Variants in SLC44A1 observed in about 807,000 individuals in gnomAD.
The protein encoded by SLC44A1 is solute carrier family 44 member 1, also known as choline transporter-like protein 1.
Under a neutral mutation model 79.3 loss-of-function variants are expected in SLC44A1, and 26 were observed. That is an observed-to-expected ratio of 0.33 (90% confidence interval 0.24 to 0.46). The LOEUF (loss-of-function observed/expected upper bound fraction) is 0.46. Among genes scored for constraint, SLC44A1 ranks in the 20% least tolerant of loss-of-function variants. The pLI is 1.00. For synonymous variants in SLC44A1, 263 were observed against 286.2 expected (o/e 0.92, Z 0.82); for missense variants, 688 against 798.1 (o/e 0.86, Z 1.66).
chr9:105,299,855 T>C, intron 2 of SLC44A1: 1 of 986,624 alleles, frequency 1.0e-6, no homozygotes, highest in African/African-American at 1.7e-5. Context: ...CTGTAATGAG[T>C]GGCATCTTTC....
chr9:105,419,914 C>CAA (rs59244219), intron 15 of SLC44A1, among the ~76,000 whole-genome samples: 1,771 of 52,864 alleles, frequency 0.034, 60 homozygotes, highest in African/African-American at 0.1. Flanking sequence ...AACTCTGTCT[C>CAA]AAAAAAAAAA....
intron 3 of SLC44A1, among the ~76,000 whole-genome samples, chr9:105,335,119 T>C (rs1399098218): frequency 2.0e-5 from 3 of 152,122 alleles, no homozygotes; most frequent in African/African-American, 7.2e-5. Flanking sequence ...TATATAATTC[T>C]GTTCATATGA....
At chr9:105,414,605 A>G (rs181699712) in intron 15 of SLC44A1, among the ~76,000 whole-genome samples, 1 of 152,222 alleles carries the variant, frequency 6.6e-6, no homozygotes, top group Non-Finnish European at 1.5e-5. Context: ...TAATTTTTAG[A>G]TAGTAATAGA....
intron 1 of SLC44A1, among the ~76,000 whole-genome samples, chr9:105,250,281 C>T (rs1362904332): frequency 2.6e-5 from 4 of 152,138 alleles, no homozygotes; most frequent in East Asian, 3.9e-4. Context: ...TCTACAGTTG[C>T]CATCTGGAGA....
intron 3 of SLC44A1, among the ~76,000 whole-genome samples, chr9:105,311,391 T>A (rs1831176026): frequency 1.3e-5 from 2 of 152,150 alleles, no homozygotes; most frequent in South Asian, 2.1e-4. Flanking sequence ...CTCCGTCAGG[T>A]CTTCTGCTTA....
chr9:105,260,516 T>A (rs1403995298), intron 1 of SLC44A1, among the ~76,000 whole-genome samples: 1 of 152,216 alleles, frequency 6.6e-6, no homozygotes, highest in East Asian at 1.9e-4. Flanking sequence ...GCTCTGAAAC[T>A]GACTTTAAGT....
intron 15 of SLC44A1, among the ~76,000 whole-genome samples, chr9:105,405,487 G>A (rs1246214686): frequency 2.0e-5 from 3 of 152,070 alleles, no homozygotes; most frequent in Admixed American, 6.5e-5. Flanking sequence ...CTAGGCAAAT[G>A]CTAAATAAAG....
chr9:105,419,598 A>T (rs1346848416), intron 15 of SLC44A1, among the ~76,000 whole-genome samples: 1 of 152,182 alleles, frequency 6.6e-6, no homozygotes, highest in Admixed American at 6.5e-5. Flanking sequence ...CCTTCTACCT[A>T]GTTCAGAAGT....
Position 105,381,143 on chromosome 9 carries a change from T to A in SLC44A1, c.1633-1980T>A, listed in dbSNP as rs566062693. Among the ~76,000 whole-genome samples the A allele has an allele frequency of 1.4e-4, 21 of 152,264 alleles. No homozygotes were observed. The East Asian group carries it at 4.1e-3, about 29-fold the overall frequency. ...AGGGGTTTAACTTTTAATGGCATGG[T>A]GAGAGCATGAAGAACCTCAGCCCTC... On this transcript the variant is annotated intron_variant, in intron 13 of 15. Transcript: ENST00000374720.
At chr9:105,424,060 A>C (rs2131518971) in intron 15 of SLC44A1, among the ~76,000 whole-genome samples, 1 of 152,348 alleles carries the variant, frequency 6.6e-6, no homozygotes, top group Non-Finnish European at 1.5e-5. Context: ...ACATATGTAC[A>C]GTATTGTACT....
intron 3 of SLC44A1, among the ~76,000 whole-genome samples, chr9:105,334,173 T>C (rs1274948674): frequency 6.6e-6 from 1 of 152,056 alleles, no homozygotes; most frequent in Non-Finnish European, 1.5e-5. Flanking sequence ...TGGCTTTTTT[T>C]CTTTCCTTCT....
intron 12 of SLC44A1, among the ~76,000 whole-genome samples, chr9:105,368,577 T>C (rs1288902530): frequency 6.6e-6 from 1 of 152,166 alleles, no homozygotes; most frequent in Non-Finnish European, 1.5e-5. Flanking sequence ...CCTTGCTCTT[T>C]CCAGTATATC....
chr9:105,283,368 T>G (rs1830403358), intron 1 of SLC44A1, among the ~76,000 whole-genome samples: 1 of 152,194 alleles, frequency 6.6e-6, no homozygotes. Flanking sequence ...AAGTACTTGG[T>G]GTGGTTTAGG....
At chr9:105,276,565 C>CGTGTGTGTGTGTGTGTGTGTGTGTGTGT (rs60259632) in intron 1 of SLC44A1, among the ~76,000 whole-genome samples, 1 of 118,894 alleles carries the variant, frequency 8.4e-6, no homozygotes, top group African/African-American at 3.0e-5. Context: ...GATGGGGAGC[C>CGTGTGTGTGTGTGTGTGTGTGTGTGTGT]GTGTGTGTGT....
At chr9:105,278,541 CCTGGCCTTTTTGAA>C (rs1275398618) in intron 1 of SLC44A1, among the ~76,000 whole-genome samples, 1 of 152,150 alleles carries the variant, frequency 6.6e-6, no homozygotes, top group Non-Finnish European at 1.5e-5. Flanking sequence ...AGCCACCGCG[CCTGGCCTTTTTGAA>C]TTTTTAGTAG....
At chr9:105,286,370 C>G (rs1830478301) in intron 1 of SLC44A1, among the ~76,000 whole-genome samples, 1 of 152,140 alleles carries the variant, frequency 6.6e-6, no homozygotes, top group South Asian at 2.1e-4. Flanking sequence ...TCTCAGTTTC[C>G]TCATCAGTAA....
intron 1 of SLC44A1, among the ~76,000 whole-genome samples, chr9:105,276,638 A>G (rs1430901183): frequency 2.1e-5 from 3 of 143,672 alleles, no homozygotes; most frequent in Non-Finnish European, 4.6e-5. Flanking sequence ...GCAGTTTACA[A>G]TAGGGTTGTC....
chr9:105,404,387 C>T (rs1829001222), intron 15 of SLC44A1, among the ~76,000 whole-genome samples: 1 of 152,094 alleles, frequency 6.6e-6, no homozygotes, highest in South Asian at 2.1e-4. Context: ...TCCTGGTTTG[C>T]ATGCAATGCT....
At chr9:105,246,347 C>A (rs1829447150) in intron 1 of SLC44A1, among the ~76,000 whole-genome samples, 1 of 150,948 alleles carries the variant, frequency 6.6e-6, no homozygotes, top group African/African-American at 2.4e-5. Context: ...TATTAGGTAT[C>A]CATCCTATCA....
Sources: gnomAD v4.1 joint callset for allele counts (sites outside exome capture counted in the v4.1 genomes callset) on GRCh38, gnomAD v4.1.1 for gene constraint, MANE v1.5 for transcripts, NCBI Gene and HGNC (gene_info 2026-07-23, HGNC 2026-07-21) for gene names.